Variants in AGMO observed in about 807,000 individuals in gnomAD.
AGMO encodes the protein glyceryl-ether monooxygenase.
Under a neutral mutation model 60.2 loss-of-function variants are expected in AGMO, and 75 were observed. The observed-to-expected ratio is 1.25, with a 90% confidence interval of 1.03 to 1.51. The LOEUF is 1.51. Among genes scored for constraint, AGMO ranks in the 40% most tolerant of loss-of-function variants. AGMO has a pLI of 0.00. For synonymous variants in AGMO, 261 were observed against 177.1 expected (o/e 1.47, Z -3.76); for missense variants, 763 against 525.5 (o/e 1.45, Z -4.42).
chr7:15,230,757 C>T lies in AGMO; in HGVS notation c.1264-29398G>A, dbSNP rs556829989. Reference sequence around the variant, plus strand: ...ACTCGGTCCACAGTACTTCTCACTCCTCGCTCTTCCCCTTTGCTCTCTCCC... The same window carrying T: ...ACTCGGTCCACAGTACTTCTCACTCTTCGCTCTTCCCCTTTGCTCTCTCCC... On this transcript the variant is annotated intron_variant, in intron 12 of 12. Transcript: ENST00000342526. 2.4e-3 allele frequency among the ~76,000 whole-genome samples: 365 copies of T among 152,224 alleles called. 1 individual carries two copies. The highest frequency in any genetic ancestry group is 3.4e-3 in the Non-Finnish European group (228 of 68,016).
chr7:15,489,232 T>A (rs917213868), intron 3 of AGMO, among the ~76,000 whole-genome samples: 1 of 152,182 alleles, frequency 6.6e-6, no homozygotes, highest in East Asian at 1.9e-4. Flanking sequence ...TATAAAACTT[T>A]GTAGAATCAT....
intron 12 of AGMO, among the ~76,000 whole-genome samples, chr7:15,216,528 A>G (rs1781742301): frequency 6.6e-6 from 1 of 152,102 alleles, no homozygotes; most frequent in African/African-American, 2.4e-5. Flanking sequence ...AAATCTTTCT[A>G]CTGGAATTCT....
At chr7:15,376,126 A>C (rs1200764758) in intron 10 of AGMO, among the ~76,000 whole-genome samples, 1 of 152,122 alleles carries the variant, frequency 6.6e-6, no homozygotes, top group Non-Finnish European at 1.5e-5. Flanking sequence ...GTTACTACAA[A>C]TCCATTACAT....
chr7:15,478,340 G>A (rs1464102465), intron 3 of AGMO, among the ~76,000 whole-genome samples: 1 of 152,032 alleles, frequency 6.6e-6, no homozygotes, highest in East Asian at 1.9e-4. Flanking sequence ...GCTAAAGCTT[G>A]GTAATCTCCA....
chr7:15,430,646 A>G (rs1350732113), intron 4 of AGMO, among the ~76,000 whole-genome samples: 1 of 149,084 alleles, frequency 6.7e-6, no homozygotes, highest in East Asian at 1.9e-4. Flanking sequence ...AAAAAAAAAA[A>G]CTGGTAAAAG....
At chr7:15,313,190 A>G (rs1780818703) in intron 12 of AGMO, among the ~76,000 whole-genome samples, 1 of 152,194 alleles carries the variant, frequency 6.6e-6, no homozygotes, top group African/African-American at 2.4e-5. Flanking sequence ...TGTAACAATA[A>G]AGGCATGTTT....
chr7:15,271,835 T>C (rs1266303775), intron 12 of AGMO, among the ~76,000 whole-genome samples: 1 of 152,142 alleles, frequency 6.6e-6, no homozygotes, highest in African/African-American at 2.4e-5. Context: ...TTTCGAGATA[T>C]TTTTCTTCAA....
the AGMO span, among the ~76,000 whole-genome samples, chr7:15,149,137 A>G: frequency 2.6e-5 from 4 of 151,122 alleles, no homozygotes; most frequent in Non-Finnish European, 5.9e-5. Context: ...ATGTCTATTC[A>G]TGTCCTTTGC....
At chr7:15,236,198 A>C (rs1465590086) in intron 12 of AGMO, among the ~76,000 whole-genome samples, 1 of 152,128 alleles carries the variant, frequency 6.6e-6, no homozygotes, top group Non-Finnish European at 1.5e-5. Context: ...AATAATTCTT[A>C]AGGAAAAGGT....
chr7:15,479,542 G>A (rs532928475), intron 3 of AGMO, among the ~76,000 whole-genome samples: 3 of 152,114 alleles, frequency 2.0e-5, no homozygotes, highest in Admixed American at 6.5e-5. Flanking sequence ...TATGTAAATC[G>A]TTCAAATTTG....
At position 15,467,884 on chromosome 7, in the gene AGMO, T is replaced by C. The variant is rs114678960; in HGVS notation, c.410-36776A>G. On this transcript the variant is annotated intron_variant, in intron 3 of 12. Transcript: ENST00000342526. ...TTTTAGGGAAATGGCCTTCCTTCAA[T>C]ATAGTACGGCTCTGAAATGCTGTTT... Among the ~76,000 whole-genome samples the C allele has an allele frequency of 6.6e-3, 1,002 of 152,184 alleles. 14 individuals carry two copies. The highest frequency in any genetic ancestry group is 0.023 in the African/African-American group (947 of 41,534).
intron 5 of AGMO, among the ~76,000 whole-genome samples, chr7:15,408,066 C>T (rs1011084986): frequency 3.3e-5 from 5 of 151,710 alleles, no homozygotes; most frequent in Non-Finnish European, 7.4e-5. Flanking sequence ...AATTGGGTTG[C>T]GTCATGAAGA....
chr7:15,136,725 C>G, the AGMO span, among the ~76,000 whole-genome samples: 1 of 151,578 alleles, frequency 6.6e-6, no homozygotes, highest in Non-Finnish European at 1.5e-5. Flanking sequence ...CTAATAGGAC[C>G]GCCTTTATTG....
At chr7:15,361,787 T>C (rs1782778452) in intron 12 of AGMO, among the ~76,000 whole-genome samples, 1 of 152,058 alleles carries the variant, frequency 6.6e-6, no homozygotes. Flanking sequence ...ATAAATTTGA[T>C]AGGCACACAC....
At chr7:15,300,505 GA>G (rs201776575) in intron 12 of AGMO, among the ~76,000 whole-genome samples, 3 of 149,800 alleles carry the variant, frequency 2.0e-5, no homozygotes, top group Middle Eastern at 3.4e-3. Flanking sequence ...GAAGAAAACT[GA>G]AAAAAAAATC....
intron 12 of AGMO, among the ~76,000 whole-genome samples, chr7:15,352,211 GAAAT>G (rs138887556): frequency 0.037 from 5,572 of 152,250 alleles, 128 homozygotes; most frequent in South Asian, 0.061. Context: ...CATTATGGAT[GAAAT>G]AAATATACAA....
intron 10 of AGMO, among the ~76,000 whole-genome samples, chr7:15,376,972 G>A (rs1440338690): frequency 6.6e-6 from 1 of 152,072 alleles, no homozygotes; most frequent in Non-Finnish European, 1.5e-5. Context: ...TATAGAACTT[G>A]CATACATAAA....
chr7:15,435,570 G>A (rs892315695), intron 3 of AGMO, among the ~76,000 whole-genome samples: 4 of 151,974 alleles, frequency 2.6e-5, no homozygotes, highest in Non-Finnish European at 5.9e-5. Flanking sequence ...TAAATGGGTT[G>A]TTTTCTTAAG....
intron 12 of AGMO, among the ~76,000 whole-genome samples, chr7:15,326,887 A>G (rs1433534884): frequency 6.6e-6 from 1 of 152,180 alleles, no homozygotes; most frequent in Non-Finnish European, 1.5e-5. Flanking sequence ...TTATCTTGGA[A>G]AAGATTACCA....
Sources: gnomAD v4.1 joint callset for allele counts (sites outside exome capture counted in the v4.1 genomes callset) on GRCh38, gnomAD v4.1.1 for gene constraint, MANE v1.5 for transcripts, NCBI Gene and HGNC (gene_info 2026-07-23, HGNC 2026-07-21) for gene names.